ERC2: variants seen among roughly 807,000 people sequenced by gnomAD.
The protein encoded by ERC2 is ELKS/RAB6-interacting/CAST family member 2.
ERC2 carries 42 observed loss-of-function variants against 114.8 expected under a neutral mutation model. That is an observed-to-expected ratio of 0.37 (90% CI 0.29 to 0.47). The LOEUF (loss-of-function observed/expected upper bound fraction) is 0.47. ERC2 is among the 20% of genes least tolerant of loss of function. The pLI is 0.99. For missense variants in ERC2, 939 were observed against 1,150.7 expected, an observed-to-expected ratio of 0.82 and a Z score of 2.66; for synonymous variants, 454 against 425.5, an observed-to-expected ratio of 1.07 and a Z score of -0.82.
Position 56,007,176 on chromosome 3 carries a change from C to G in ERC2, c.2061+5G>C. 6.4e-7 allele frequency: 1 copy of G among 1,555,136 alleles called. No homozygotes were observed. The highest frequency in any genetic ancestry group is 8.7e-7 in the Non-Finnish European group (1 of 1,149,756). ...GCATGATTCTTTTTCTTAGACTTCACTTACCTTTTTTAACTGTGCTTCCAA... is the reference window on the plus strand; with the variant it reads ...GCATGATTCTTTTTCTTAGACTTCAGTTACCTTTTTTAACTGTGCTTCCAA... On this transcript the variant is annotated splice_donor_5th_base_variant and intron_variant, in intron 10 of 17. Transcript: ENST00000288221.
At chr3:56,285,026 C>CAT (rs1560520957) in intron 3 of ERC2, among the ~76,000 whole-genome samples, 5 of 111,434 alleles carry the variant, frequency 4.5e-5, no homozygotes, top group African/African-American at 1.4e-4. Context: ...CACACACACA[C>CAT]ACACATACAC....
intron 14 of ERC2, among the ~76,000 whole-genome samples, chr3:55,759,440 G>T (rs2067267049): frequency 8.2e-6 from 1 of 121,604 alleles, no homozygotes. Context: ...AGACCAGCTG[G>T]GACGTTTTAA....
intron 12 of ERC2, among the ~76,000 whole-genome samples, chr3:55,960,719 C>T (rs1044915959): frequency 3.9e-5 from 6 of 152,220 alleles, no homozygotes; most frequent in African/African-American, 9.6e-5. Context: ...CCAAGTTGGA[C>T]GAGGATGCTG....
chr3:56,133,216 T>C (rs1265353576), intron 6 of ERC2, among the ~76,000 whole-genome samples: 2 of 152,118 alleles, frequency 1.3e-5, no homozygotes, highest in Non-Finnish European at 2.9e-5. Flanking sequence ...GGCGGGCAAA[T>C]TGCTTCAGCC....
chr3:55,953,712 A>G (rs2067738302), intron 12 of ERC2, among the ~76,000 whole-genome samples: 2 of 152,178 alleles, frequency 1.3e-5, no homozygotes, highest in Non-Finnish European at 2.9e-5. Context: ...GGATACAGGT[A>G]GAGGAGTCAT....
chr3:56,235,644 C>T (rs2150188429), intron 3 of ERC2, among the ~76,000 whole-genome samples: 1 of 152,246 alleles, frequency 6.6e-6, no homozygotes, highest in East Asian at 1.9e-4. Flanking sequence ...CATTTTTCAT[C>T]CCATTTATGC....
At chr3:55,725,383 C>T (rs1393380445) in intron 15 of ERC2, among the ~76,000 whole-genome samples, 1 of 152,140 alleles carries the variant, frequency 6.6e-6, no homozygotes, top group Non-Finnish European at 1.5e-5. Context: ...GTTAAATAGG[C>T]ATTTGTCACA....
chr3:55,775,474 C>T (rs1017835062), intron 14 of ERC2, among the ~76,000 whole-genome samples: 7 of 151,180 alleles, frequency 4.6e-5, no homozygotes, highest in South Asian at 2.1e-4. Context: ...GAGGCTGCAG[C>T]GAACTATAGC....
intron 3 of ERC2, among the ~76,000 whole-genome samples, chr3:56,286,769 T>TAA (rs11457394): frequency 3.4e-5 from 5 of 146,500 alleles, no homozygotes; most frequent in Non-Finnish European, 7.5e-5. Flanking sequence ...CCAGGCCATT[T>TAA]AAAAAAAAAA....
At chr3:56,153,719 G>A (rs140552062) in intron 4 of ERC2, among the ~76,000 whole-genome samples, 124 of 152,256 alleles carry the variant, frequency 8.1e-4, no homozygotes, top group African/African-American at 2.9e-3. Context: ...TACTGAAATG[G>A]TGAGTGGGTG....
At chr3:56,145,468 T>A (rs1200000876) in intron 5 of ERC2, among the ~76,000 whole-genome samples, 3 of 152,164 alleles carry the variant, frequency 2.0e-5, no homozygotes, top group Non-Finnish European at 4.4e-5. Flanking sequence ...TTAATGGAGC[T>A]CCTGAAAGTA....
intron 17 of ERC2, among the ~76,000 whole-genome samples, chr3:55,571,751 A>G (rs1286649348): frequency 6.6e-6 from 1 of 152,148 alleles, no homozygotes; most frequent in Non-Finnish European, 1.5e-5. Flanking sequence ...GTGAGCAACA[A>G]ATCATCTTTT....
At chr3:55,819,058 G>A (rs1008332645) in intron 14 of ERC2, among the ~76,000 whole-genome samples, 4 of 152,118 alleles carry the variant, frequency 2.6e-5, no homozygotes, top group African/African-American at 7.2e-5. Context: ...GCTCTTAATG[G>A]TCCTTCTCTG....
At chr3:56,292,752 C>G (rs1035392145) in intron 3 of ERC2, among the ~76,000 whole-genome samples, 1 of 152,154 alleles carries the variant, frequency 6.6e-6, no homozygotes, top group African/African-American at 2.4e-5. Flanking sequence ...GGCAAAGTAA[C>G]AGCACCTACC....
At chr3:56,367,375 C>T (rs73090572) in intron 2 of ERC2, among the ~76,000 whole-genome samples, 5,152 of 152,024 alleles carry the variant, frequency 0.034, 186 homozygotes, top group African/African-American at 0.083. Context: ...ATTCATTTCC[C>T]TAGTAAATTC....
chr3:55,765,899 A>G (rs2067747020), intron 14 of ERC2, among the ~76,000 whole-genome samples: 1 of 152,258 alleles, frequency 6.6e-6, no homozygotes, highest in Admixed American at 6.5e-5. Context: ...CTCAAAAGAA[A>G]AAAAGAAATC....
intron 17 of ERC2, among the ~76,000 whole-genome samples, chr3:55,535,582 A>C (rs1344861246): frequency 6.6e-6 from 1 of 152,224 alleles, no homozygotes; most frequent in African/African-American, 2.4e-5. Flanking sequence ...AGGTGGGAGT[A>C]AAATAGAGGT....
intron 3 of ERC2, among the ~76,000 whole-genome samples, chr3:56,280,468 C>T (rs895110757): frequency 6.6e-6 from 1 of 152,016 alleles, no homozygotes; most frequent in Non-Finnish European, 1.5e-5. Context: ...TTGGGAGGTA[C>T]GTGGTGGTGA....
intron 13 of ERC2, among the ~76,000 whole-genome samples, chr3:55,945,298 T>C (rs2067055300): frequency 6.6e-6 from 1 of 152,226 alleles, no homozygotes; most frequent in Non-Finnish European, 1.5e-5. Flanking sequence ...CTCTTAACTC[T>C]GCTGGTCAGG....
Sources: allele counts gnomAD v4.1 joint callset (sites outside exome capture counted in the v4.1 genomes callset), GRCh38; gene constraint gnomAD v4.1.1; transcripts MANE v1.5; gene names NCBI Gene and HGNC (gene_info 2026-07-23, HGNC 2026-07-21).